RBMS3: variants seen among roughly 807,000 people sequenced by gnomAD.
The protein encoded by RBMS3 is RNA binding motif single stranded interacting protein 3, also known as RNA-binding motif, single-stranded-interacting protein 3.
Under a neutral mutation model 66.8 loss-of-function variants are expected in RBMS3, and 27 were observed. The observed-to-expected ratio is 0.40, with a 90% CI of 0.30 to 0.56. RBMS3 has a LOEUF of 0.56. Among genes scored for constraint, RBMS3 ranks in the 20% least tolerant of loss-of-function variants. The pLI, the probability that RBMS3 is intolerant of heterozygous loss-of-function variation, is 0.40. For missense variants in RBMS3, 513 were observed against 549.5 expected, an observed-to-expected ratio of 0.93 and a Z score of 0.66; for synonymous variants, 188 against 183.0, an observed-to-expected ratio of 1.03 and a Z score of -0.22.
At chr3:29,370,126 T>C (rs779506152) in intron 1 of RBMS3, among the ~76,000 whole-genome samples, 3 of 152,212 alleles carry the variant, frequency 2.0e-5, no homozygotes, top group Non-Finnish European at 2.9e-5. Context: ...GACTTGTCTA[T>C]AGATGTAAAG....
intron 4 of RBMS3, among the ~76,000 whole-genome samples, chr3:29,697,695 C>T (rs975589210): frequency 6.6e-6 from 1 of 152,180 alleles, no homozygotes; most frequent in African/African-American, 2.4e-5. Flanking sequence ...GTTTATGTTT[C>T]ATATATACCT....
chr3:29,851,543 C>T (rs993860816), intron 6 of RBMS3, among the ~76,000 whole-genome samples: 4 of 152,160 alleles, frequency 2.6e-5, no homozygotes, highest in African/African-American at 9.7e-5. Context: ...TAAAAGTGAA[C>T]ACATTAAAGC....
intron 12 of RBMS3, among the ~76,000 whole-genome samples, chr3:29,951,217 C>A (rs1025251235): frequency 1.3e-5 from 2 of 151,778 alleles, no homozygotes; most frequent in Non-Finnish European, 2.9e-5. Context: ...TGCTAAACAT[C>A]TTAGGAGAAG....
At chr3:29,802,646 C>A (rs1204590718) in intron 6 of RBMS3, among the ~76,000 whole-genome samples, 5 of 152,110 alleles carry the variant, frequency 3.3e-5, no homozygotes, top group African/African-American at 1.2e-4. Flanking sequence ...TTTGTTTATG[C>A]CCTATTTATA....
intron 1 of RBMS3, among the ~76,000 whole-genome samples, chr3:29,426,317 G>A (rs2125710204): frequency 6.6e-6 from 1 of 152,154 alleles, no homozygotes; most frequent in African/African-American, 2.4e-5. Flanking sequence ...ACCACTTTTT[G>A]CTAGCTTATA....
chr3:29,499,767 C>T (rs556157724), intron 3 of RBMS3, among the ~76,000 whole-genome samples: 16 of 152,232 alleles, frequency 1.1e-4, no homozygotes, highest in Admixed American at 6.5e-5. Context: ...CAATTTCTTT[C>T]GATAAACAAT....
chr3:29,998,525 G>T (rs1453951238), intron 14 of RBMS3, among the ~76,000 whole-genome samples: 2 of 152,126 alleles, frequency 1.3e-5, no homozygotes, highest in African/African-American at 2.4e-5. Context: ...ATACTACAAG[G>T]TTACAGTAAC....
At chr3:29,581,572 C>T (rs2047330716) in intron 3 of RBMS3, among the ~76,000 whole-genome samples, 1 of 152,168 alleles carries the variant, frequency 6.6e-6, no homozygotes, top group African/African-American at 2.4e-5. Flanking sequence ...TTGTTAACAT[C>T]TTCAACTGTT....
intron 1 of RBMS3, among the ~76,000 whole-genome samples, chr3:29,295,964 C>G (rs980455659): frequency 2.6e-5 from 4 of 151,728 alleles, no homozygotes; most frequent in Non-Finnish European, 1.5e-5. Flanking sequence ...CTGTGCCCTG[C>G]AAGGTTGTCC....
chr3:29,357,363 A>G (rs147618982), intron 1 of RBMS3, among the ~76,000 whole-genome samples: 15,576 of 152,154 alleles, frequency 0.1, 906 homozygotes, highest in East Asian at 0.19. Context: ...CCATGTCCCT[A>G]CAAAGGACAT....
chr3:29,635,448 A>C (rs2049440414), intron 4 of RBMS3, among the ~76,000 whole-genome samples: 1 of 151,866 alleles, frequency 6.6e-6, no homozygotes, highest in Admixed American at 6.6e-5. Flanking sequence ...CCTTGTGTTC[A>C]TACCTTCAAA....
At chr3:29,574,759 G>C (rs771159253) in intron 3 of RBMS3, among the ~76,000 whole-genome samples, 1 of 151,288 alleles carries the variant, frequency 6.6e-6, no homozygotes, top group Non-Finnish European at 1.5e-5. Context: ...GTTACAGTGA[G>C]GCTTCCAAAT....
intron 2 of RBMS3, among the ~76,000 whole-genome samples, chr3:29,471,299 T>C (rs2125798156): frequency 6.6e-6 from 1 of 152,330 alleles, no homozygotes; most frequent in South Asian, 2.1e-4. Context: ...AGAAGTAAGC[T>C]GAAGACAGTT....
chr3:29,653,329 A>G (rs28402874), intron 4 of RBMS3, among the ~76,000 whole-genome samples: 1 of 151,952 alleles, frequency 6.6e-6, no homozygotes, highest in Non-Finnish European at 1.5e-5. Context: ...AGTAGAAACT[A>G]TTACCCTCAC....
chr3:29,700,795 A>T (rs1375365049), intron 4 of RBMS3, among the ~76,000 whole-genome samples: 2 of 152,086 alleles, frequency 1.3e-5, no homozygotes, highest in African/African-American at 2.4e-5. Flanking sequence ...AGAGGAATTT[A>T]AAAAAAGAGA....
At chr3:29,654,681 C>T (rs182336122) in intron 4 of RBMS3, among the ~76,000 whole-genome samples, 1 of 151,114 alleles carries the variant, frequency 6.6e-6, no homozygotes, top group East Asian at 1.9e-4. Context: ...TCCTCCACAT[C>T]TTGAGTTCAA....
At chr3:29,549,199 C>A (rs1389513521) in intron 3 of RBMS3, among the ~76,000 whole-genome samples, 1 of 151,010 alleles carries the variant, frequency 6.6e-6, no homozygotes, top group Non-Finnish European at 1.5e-5. Flanking sequence ...CTTTCTATTG[C>A]CAATATTTGT....
At chr3:29,929,516 A>G (rs1454969387) in intron 10 of RBMS3, among the ~76,000 whole-genome samples, 8 of 152,162 alleles carry the variant, frequency 5.3e-5, no homozygotes, top group Admixed American at 2.0e-4. Context: ...GGCGTAGTAC[A>G]TAATTAGGAT....
chr3:29,454,831 C>T (rs1001777685), intron 2 of RBMS3, among the ~76,000 whole-genome samples: 2 of 152,194 alleles, frequency 1.3e-5, no homozygotes, highest in African/African-American at 4.8e-5. Flanking sequence ...ATCTAGGTCA[C>T]AGACAAAGCA....
Sources: allele counts gnomAD v4.1 joint callset (sites outside exome capture counted in the v4.1 genomes callset), GRCh38; gene constraint gnomAD v4.1.1; transcripts MANE v1.5; gene names NCBI Gene and HGNC (gene_info 2026-07-23, HGNC 2026-07-21).